ANKRD33B: variants seen among roughly 807,000 people sequenced by gnomAD.
The protein encoded by ANKRD33B is ankyrin repeat domain-containing protein 33B.
ANKRD33B carries 6 observed loss-of-function variants against 21.5 expected under a neutral mutation model. The observed-to-expected ratio is 0.28, with a 90% CI of 0.15 to 0.55. The LOEUF is 0.55. Ranked by LOEUF, ANKRD33B falls within the 20% of genes least tolerant of loss-of-function variation. The pLI, the probability that ANKRD33B is intolerant of heterozygous loss-of-function variation, is 0.94. For synonymous variants in ANKRD33B, 347 were observed against 342.4 expected, an observed-to-expected ratio of 1.01 and a Z score of -0.15; for missense variants, 698 against 747.2, an observed-to-expected ratio of 0.93 and a Z score of 0.77.
Position 10,650,311 on chromosome 5 carries a change from C to T in ANKRD33B, c.*198C>T, listed in dbSNP as rs1159501312. 2.0e-6 allele frequency: 1 copy of T among 495,380 alleles called. No individual in the cohort carries two copies. The highest frequency in any genetic ancestry group is 3.2e-6 in the Non-Finnish European group (1 of 314,720). 30.7% of individuals were successfully genotyped at this position (495,380 alleles called of 1,614,324 possible). A position where few individuals can be genotyped will look rare whatever the true frequency, so the allele number is the denominator to read the frequency against. On this transcript the variant is annotated 3_prime_UTR_variant, in exon 4 of 4. Transcript: ENST00000296657. Reference sequence around the variant, plus strand: ...GGAGCCACATGGATTCGCTTGTCGCCAGCCCTCCTAGCAATCAGTACACCT... The same window carrying T: ...GGAGCCACATGGATTCGCTTGTCGCTAGCCCTCCTAGCAATCAGTACACCT...
chr5:10,618,263 G>A (rs1417602090), intron 1 of ANKRD33B, 70 bp from the exon 2 acceptor site: 23 of 1,528,996 alleles, frequency 1.5e-5, no homozygotes, highest in East Asian at 2.4e-5. Flanking sequence ...GGTGCCCCTC[G>A]GGGTCCCCAG....
chr5:10,649,532 G>T lies in ANKRD33B; in HGVS notation c.904G>T (p.Gly302Trp), dbSNP rs1228265943. 1 of 1,532,804 alleles carries T rather than the reference G, an allele frequency of 6.5e-7. No individual in the cohort carries two copies. The highest frequency in any genetic ancestry group is 8.7e-7 in the Non-Finnish European group (1 of 1,145,344). The allele number at this position is 1,532,804 out of a possible 1,614,324, so 95.0% of individuals were successfully genotyped here. The change falls in exon 4 of 4, where the codon GGG becomes TGG. Residue 302 changes from glycine to tryptophan, a missense_variant. Coordinates refer to ENST00000296657, the MANE Select transcript of ANKRD33B (RefSeq NM_001164440.2). ...GCGCTCCGTGCGGGGCCCGGAGGAC[G>T]GGGGCGTCCTGGACCACATGGTCCG... ...TPRSVRGPEDGGVLDHMVRMT... is the reference protein window; with the variant it reads ...TPRSVRGPEDWGVLDHMVRMT...
At chr5:10,566,041 C>A (rs1455722689) in intron 1 of ANKRD33B, among the ~76,000 whole-genome samples, 1 of 152,226 alleles carries the variant, frequency 6.6e-6, no homozygotes, top group African/African-American at 2.4e-5. Context: ...TCCCCTTGTA[C>A]TACATTGCCC....
intron 1 of ANKRD33B, among the ~76,000 whole-genome samples, chr5:10,609,477 G>T (rs1736118987): frequency 6.6e-6 from 1 of 152,100 alleles, no homozygotes; most frequent in African/African-American, 2.4e-5. Flanking sequence ...GTTTGAGCCT[G>T]GGAGGCGAAG....
chr5:10,642,167 G>A (rs894334264), intron 3 of ANKRD33B, among the ~76,000 whole-genome samples: 4 of 152,158 alleles, frequency 2.6e-5, no homozygotes, highest in African/African-American at 4.8e-5. Context: ...TGACTGCCGT[G>A]CTTTCTTCCC....
chr5:10,590,377 T>G (rs1201698178), intron 1 of ANKRD33B, among the ~76,000 whole-genome samples: 1 of 152,174 alleles, frequency 6.6e-6, no homozygotes, highest in Non-Finnish European at 1.5e-5. Flanking sequence ...TAGGTTGTAG[T>G]TTTTATAAGA....
At chr5:10,572,454 C>T (rs1200363855) in intron 1 of ANKRD33B, among the ~76,000 whole-genome samples, 2 of 152,108 alleles carry the variant, frequency 1.3e-5, no homozygotes, top group African/African-American at 4.8e-5. Flanking sequence ...TCTCATTCTA[C>T]CCTCGGAGCC....
intron 1 of ANKRD33B, among the ~76,000 whole-genome samples, chr5:10,573,642 C>T (rs746602604): frequency 9.9e-5 from 15 of 152,120 alleles, no homozygotes; most frequent in Non-Finnish European, 2.1e-4. Context: ...AGGAAACTTA[C>T]AATCATGGCA....
intron 3 of ANKRD33B, among the ~76,000 whole-genome samples, chr5:10,648,207 C>T (rs533387844): frequency 6.6e-6 from 1 of 152,298 alleles, no homozygotes; most frequent in South Asian, 2.1e-4. Context: ...GAAAAGCCCA[C>T]CATCGGTTAA....
intron 1 of ANKRD33B, among the ~76,000 whole-genome samples, chr5:10,569,780 C>T (rs1205716672): frequency 6.6e-6 from 1 of 152,122 alleles, no homozygotes; most frequent in Admixed American, 6.6e-5. Flanking sequence ...GATGGGTGGG[C>T]TGGCAGATGT....
intron 1 of ANKRD33B, among the ~76,000 whole-genome samples, chr5:10,597,944 C>A (rs1448062012): frequency 6.6e-6 from 1 of 152,074 alleles, no homozygotes; most frequent in African/African-American, 2.4e-5. Flanking sequence ...GATTTCTGGA[C>A]CTTGACATGT....
At chr5:10,629,584 T>C (rs1004593672) in intron 2 of ANKRD33B, among the ~76,000 whole-genome samples, 1 of 152,116 alleles carries the variant, frequency 6.6e-6, no homozygotes, top group Non-Finnish European at 1.5e-5. Flanking sequence ...AGTAGACAGA[T>C]ACTCAGGTAA....
chr5:10,585,801 A>G (rs1004922346), intron 1 of ANKRD33B, among the ~76,000 whole-genome samples: 1 of 152,224 alleles, frequency 6.6e-6, no homozygotes, highest in Admixed American at 6.5e-5. Flanking sequence ...CCATGGGGTC[A>G]TGCGTAAAGC....
intron 2 of ANKRD33B, among the ~76,000 whole-genome samples, chr5:10,622,896 C>A (rs947253335): frequency 6.0e-5 from 9 of 150,666 alleles, no homozygotes; most frequent in African/African-American, 2.2e-4. Context: ...TGACACAGGT[C>A]CTCTTGGAGA....
rs1043265472 is a variant in ANKRD33B at position 10,638,253 on chromosome 5, C to G, written c.637+85C>G. 1.2e-5 allele frequency: 17 copies of G among 1,424,690 alleles called. No individual in the cohort carries two copies. The South Asian group carries it at 2.3e-4, about 19-fold the overall frequency. The allele number at this position is 1,424,690 out of a possible 1,614,324, so 88.3% of individuals were successfully genotyped here. A position where few individuals can be genotyped will look rare whatever the true frequency, so the allele number is the denominator to read the frequency against. ...ATGGAATATGTTTTGAGATTAATCA[C>G]TCCCATAGAAACAATGCCTAGTTGC... On this transcript the variant is annotated intron_variant, in intron 3 of 3. Transcript: ENST00000296657.
At position 10,649,423 on chromosome 5, in the gene ANKRD33B, G is replaced by A. The variant is rs1178130546; in HGVS notation, c.795G>A (p.Pro265=). The change falls in exon 4 of 4, where the codon CCG becomes CCA. Residue 265 remains proline, a synonymous_variant. Coordinates refer to ENST00000296657, the MANE Select transcript of ANKRD33B (RefSeq NM_001164440.2). ...AGAAGTACCGGCCCGAGCTGCCGCC[G>A]CCCCCTGAAGCGGCGCGGAAGCCCG... The part of the protein sequence containing the change: ...FWEKYRPELP[P]PPEAARKPAG... 1.3e-5 allele frequency: 20 copies of A among 1,535,366 alleles called. No homozygotes were observed. The highest frequency in any genetic ancestry group is 7.3e-5 in the East Asian group (3 of 40,908).
At chr5:10,625,602 A>C (rs1736527596) in intron 2 of ANKRD33B, among the ~76,000 whole-genome samples, 1 of 152,188 alleles carries the variant, frequency 6.6e-6, no homozygotes, top group Admixed American at 6.5e-5. Flanking sequence ...AAGACTTCAA[A>C]TTTGAGAGGC....
At chr5:10,639,133 G>A (rs541266942) in intron 3 of ANKRD33B, among the ~76,000 whole-genome samples, 1 of 58,666 alleles carries the variant, frequency 1.7e-5, no homozygotes, top group Non-Finnish European at 3.8e-5. Flanking sequence ...CGATGTTAGC[G>A]GGTGACGCGG....
At chr5:10,583,758 C>T (rs1735496680) in intron 1 of ANKRD33B, among the ~76,000 whole-genome samples, 3 of 152,140 alleles carry the variant, frequency 2.0e-5, no homozygotes, top group Admixed American at 6.5e-5. Context: ...GTTTACCAGC[C>T]CTTCCAACAG....
Sources: allele counts gnomAD v4.1 joint callset (sites outside exome capture counted in the v4.1 genomes callset), GRCh38; gene constraint gnomAD v4.1.1; transcripts MANE v1.5; gene names NCBI Gene and HGNC (gene_info 2026-07-23, HGNC 2026-07-21).